The following LRRTM4 variants were observed in gnomAD, a reference collection of about 807,000 sequenced individuals.
LRRTM4 encodes leucine rich repeat transmembrane neuronal 4, also known as leucine-rich repeat transmembrane neuronal protein 4.
A neutral mutation model predicts 47.6 loss-of-function variants in LRRTM4; 25 were observed. That is an observed-to-expected ratio of 0.53 (90% confidence interval 0.38 to 0.73). LRRTM4 has a LOEUF of 0.73. Ranked by LOEUF, LRRTM4 falls within the 30% of genes least tolerant of loss-of-function variation. The pLI is 0.00. For missense variants in LRRTM4, 638 were observed against 713.4 expected, an observed-to-expected ratio of 0.89 and a Z score of 1.20; for synonymous variants, 311 against 269.5, an observed-to-expected ratio of 1.15 and a Z score of -1.51.
At chr2:77,242,563 G>T (rs1675298924) in intron 3 of LRRTM4, among the ~76,000 whole-genome samples, 1 of 151,940 alleles carries the variant, frequency 6.6e-6, no homozygotes, top group African/African-American at 2.4e-5. Context: ...ATGAAAAGAT[G>T]CTCAACATCA....
chr2:77,410,541 G>T (rs1169180192), intron 3 of LRRTM4, among the ~76,000 whole-genome samples: 1 of 152,136 alleles, frequency 6.6e-6, no homozygotes, highest in Non-Finnish European at 1.5e-5. Context: ...AATTAAATGA[G>T]ATAGATCCTA....
chr2:77,007,931 T>C (rs189578282), intron 3 of LRRTM4, among the ~76,000 whole-genome samples: 2 of 152,198 alleles, frequency 1.3e-5, no homozygotes, highest in Admixed American at 1.3e-4. Flanking sequence ...AGCTTCATTG[T>C]TCCTTCAATG....
intron 3 of LRRTM4, among the ~76,000 whole-genome samples, chr2:76,920,906 T>C (rs551784831): frequency 6.6e-6 from 1 of 152,236 alleles, no homozygotes; most frequent in Non-Finnish European, 1.5e-5. Context: ...TTACAAAATT[T>C]AGAACAGTCT....
intron 3 of LRRTM4, among the ~76,000 whole-genome samples, chr2:77,464,620 A>C (rs1030152579): frequency 6.6e-6 from 1 of 152,112 alleles, no homozygotes; most frequent in Non-Finnish European, 1.5e-5. Context: ...TGGATGGAAC[A>C]AGCAGCTCTC....
chr2:77,011,833 T>C (rs768667451), intron 3 of LRRTM4, among the ~76,000 whole-genome samples: 16 of 152,094 alleles, frequency 1.1e-4, no homozygotes, highest in Non-Finnish European at 1.9e-4. Context: ...TTCCAGTTCT[T>C]CTGTCCAAGA....
At chr2:77,436,043 T>A (rs1295963241) in intron 3 of LRRTM4, among the ~76,000 whole-genome samples, 2 of 152,176 alleles carry the variant, frequency 1.3e-5, no homozygotes, top group Non-Finnish European at 2.9e-5. Context: ...TGACTCTCCA[T>A]TTATGTAGAA....
chr2:76,936,315 A>G (rs1172864726), intron 3 of LRRTM4, among the ~76,000 whole-genome samples: 1 of 151,984 alleles, frequency 6.6e-6, no homozygotes, highest in Non-Finnish European at 1.5e-5. Flanking sequence ...GGAAACCATC[A>G]TTCTCAGCAA....
chr2:77,507,077 T>C (rs868722635), intron 3 of LRRTM4, among the ~76,000 whole-genome samples: 1 of 152,042 alleles, frequency 6.6e-6, no homozygotes, highest in Non-Finnish European at 1.5e-5. Flanking sequence ...ATTATTTTTA[T>C]AAATAACTTT....
chr2:76,836,399 T>G (rs1345446608), intron 3 of LRRTM4, among the ~76,000 whole-genome samples: 1 of 152,034 alleles, frequency 6.6e-6, no homozygotes, highest in Non-Finnish European at 1.5e-5. Flanking sequence ...TGTTTTATTT[T>G]GATCATGTCT....
chr2:76,974,681 G>A (rs1676358519), intron 3 of LRRTM4, among the ~76,000 whole-genome samples: 1 of 151,244 alleles, frequency 6.6e-6, no homozygotes, highest in African/African-American at 2.4e-5. Context: ...CTAGAACTTG[G>A]GAGAAAAATT....
In LRRTM4 at chr2:77,496,307, A is replaced by G. The variant is rs143501892; in HGVS notation, c.1551+22011T>C. ...TGTTTTACATTTTTCTCTAATCTCT[A>G]TGCCTTTTATTTCTTTTTCTTGAAT... On this transcript the variant is annotated intron_variant, in intron 3 of 3. Transcript: ENST00000409884. Among the ~76,000 whole-genome samples, 398 of 151,896 alleles carry G rather than the reference A, an allele frequency of 2.6e-3. 3 individuals are homozygous for G. Among genetic ancestry groups the G allele is most frequent in the Admixed American group, 0.012 (178 of 15,212 alleles).
chr2:77,054,658 G>A (rs1036129731), intron 3 of LRRTM4, among the ~76,000 whole-genome samples: 3 of 152,108 alleles, frequency 2.0e-5, no homozygotes, highest in African/African-American at 4.8e-5. Context: ...ATGGCCTTTG[G>A]CTTAATGACT....
intron 3 of LRRTM4, among the ~76,000 whole-genome samples, chr2:77,400,968 GTAAA>G (rs1486426287): frequency 6.6e-6 from 1 of 151,920 alleles, no homozygotes; most frequent in Non-Finnish European, 1.5e-5. Context: ...GCGTCTATAA[GTAAA>G]ATTTTGTTTG....
In LRRTM4 at chr2:77,059,911, C is replaced by T. The variant is rs1220153017; in HGVS notation, c.1552-310995G>A. ...GGCTTATTTATCCCTAATTGCTTGT[C>T]AAATCAGGAATCTTAAGAATTAAGA... On this transcript the variant is annotated intron_variant, in intron 3 of 3. Transcript: ENST00000409884. Among the ~76,000 whole-genome samples, 3 of 152,148 alleles carry T rather than the reference C, an allele frequency of 2.0e-5. No homozygotes were observed. In the South Asian group the frequency reaches 6.2e-4, roughly 31 times the overall value.
At chr2:77,360,583 TA>T (rs1672172371) in intron 3 of LRRTM4, among the ~76,000 whole-genome samples, 1 of 151,720 alleles carries the variant, frequency 6.6e-6, no homozygotes, top group Non-Finnish European at 1.5e-5. Flanking sequence ...CATACATACA[TA>T]CATACATACA....
At chr2:77,361,715 C>A (rs1198559083) in intron 3 of LRRTM4, among the ~76,000 whole-genome samples, 1 of 152,164 alleles carries the variant, frequency 6.6e-6, no homozygotes, top group East Asian at 1.9e-4. Context: ...AGGTTGAAGT[C>A]TGGATGCCCC....
chr2:77,252,351 T>A (rs1460699864), intron 3 of LRRTM4, among the ~76,000 whole-genome samples: 1 of 152,110 alleles, frequency 6.6e-6, no homozygotes, highest in African/African-American at 2.4e-5. Context: ...AGAGGTTTGG[T>A]TTTTAGTTTG....
At chr2:77,444,686 C>T (rs1675980454) in intron 3 of LRRTM4, among the ~76,000 whole-genome samples, 1 of 151,816 alleles carries the variant, frequency 6.6e-6, no homozygotes, top group Admixed American at 6.6e-5. Context: ...TTCAGCCAAA[C>T]ATGATAATTA....
chr2:77,047,440 AGT>A (rs1330812883), intron 3 of LRRTM4, among the ~76,000 whole-genome samples: 1 of 151,874 alleles, frequency 6.6e-6, no homozygotes, highest in African/African-American at 2.4e-5. Flanking sequence ...AGGTTTCTGG[AGT>A]GTTGGTTCCT....
Sources: gnomAD v4.1 joint callset for allele counts (sites outside exome capture counted in the v4.1 genomes callset) on GRCh38, gnomAD v4.1.1 for gene constraint, MANE v1.5 for transcripts, NCBI Gene and HGNC (gene_info 2026-07-23, HGNC 2026-07-21) for gene names.